SELENOS: variants seen among roughly 807,000 people sequenced by gnomAD.
SELENOS encodes selenoprotein S.
SELENOS carries 37 observed loss-of-function variants against 30.2 expected under a neutral mutation model. That is an observed-to-expected ratio of 1.23 (90% CI 0.94 to 1.61). SELENOS has a LOEUF of 1.61. Ranked by LOEUF, SELENOS falls within the 40% of genes most tolerant of loss-of-function variation. The pLI is 0.00. For missense variants in SELENOS, 289 were observed against 231.8 expected (o/e 1.25, Z -1.60); for synonymous variants, 119 against 91.6 (o/e 1.30, Z -1.71).
chr15:101,274,946 A>AC, intron 3 of SELENOS: 1 of 579,476 alleles, frequency 1.7e-6, no homozygotes, highest in Non-Finnish European at 3.0e-6. Flanking sequence ...TCCTGTCAGG[A>AC]CATTTTTGGT....
downstream of SELENOS, chr15:101,272,053 G>A (rs769665768): frequency 2.0e-5 from 3 of 152,148 alleles, no homozygotes; most frequent in African/African-American, 7.2e-5. Context: ...CCAGTAATTC[G>A]GCAACTCGAC....
At chr15:101,276,341 T>G in intron 2 of SELENOS, 200 bp downstream of exon 2, 1 of 535,118 alleles carries the variant, frequency 1.9e-6, no homozygotes. Flanking sequence ...TTTGACTCCC[T>G]GGACTCAAGT....
chr15:101,274,378 A>T, intron 5 of SELENOS, 42 bp downstream of exon 5: 1 of 1,563,742 alleles, frequency 6.4e-7, no homozygotes, highest in Non-Finnish European at 8.7e-7. Flanking sequence ...ATATCCTGTA[A>T]GTGTTGAAAA....
intron 1 of SELENOS, 31 bp from the exon 2 acceptor site, chr15:101,276,706 A>G: frequency 6.3e-7 from 1 of 1,595,042 alleles, no homozygotes; most frequent in Non-Finnish European, 8.5e-7. Context: ...CAAAAAACTA[A>G]AAATGACACT....
chr15:101,274,194 A>G (rs1596465218), intron 5 of SELENOS: 3 of 589,602 alleles, frequency 5.1e-6, no homozygotes, highest in Non-Finnish European at 9.0e-6. Context: ...CTCTCCCTCT[A>G]CGGGGCTGCA....
At chr15:101,276,814 A>G in intron 1 of SELENOS, 139 bp from the exon 2 acceptor site, 1 of 1,010,154 alleles carries the variant, frequency 9.9e-7, no homozygotes, top group Non-Finnish European at 1.4e-6. Context: ...TCCTAAGTAG[A>G]TCGTTAAAAC....
Position 101,275,341 on chromosome 15 carries a change from G to A in SELENOS, c.232C>T (p.Arg78Ter), listed in dbSNP as rs758521005. 25 of 1,577,530 alleles carry A rather than the reference G, an allele frequency of 1.6e-5. No homozygotes were observed. The highest frequency in any genetic ancestry group is 5.6e-5 in the Admixed American group (3 of 53,416). ...CGAGCAGCTGCTAAAGCTTCTTGTC[G>A]TTTAACAACAACATCAGGTTCTAAA... is the stretch of plus-strand genomic sequence containing the variant. The part of the protein sequence containing the change: ...AAVEPDVVVK[R>*]QEALAAARLK... The change falls in exon 3 of 6, where the codon CGA becomes TGA. Residue 78 changes from arginine to a stop codon, truncating the protein, a stop_gained. Coordinates refer to ENST00000526049, the MANE Select transcript of SELENOS (RefSeq NM_018445.6). LOFTEE classifies it high-confidence loss of function.
intron 1 of SELENOS, 70 bp from the exon 2 acceptor site, chr15:101,276,745 A>G (rs541572842): frequency 6.5e-7 from 1 of 1,546,264 alleles, no homozygotes; most frequent in East Asian, 2.3e-5. Context: ...AAGACTCAAC[A>G]AACACAAAGT....
intron 3 of SELENOS, chr15:101,274,884 A>C: frequency 1.6e-6 from 1 of 610,908 alleles, no homozygotes; most frequent in Non-Finnish European, 2.8e-6. Flanking sequence ...CTATTAAAGA[A>C]AGCAAAATGT....
At chr15:101,276,840 G>C (rs903173694) in intron 1 of SELENOS, 165 bp from the exon 2 acceptor site, 4 of 776,532 alleles carry the variant, frequency 5.2e-6, no homozygotes, top group Non-Finnish European at 7.9e-6. Flanking sequence ...CTCAAGAAGT[G>C]CGACAATTCA....
Position 101,274,699 on chromosome 15 carries a change from T to C in SELENOS, c.319-18A>G. 1 of 1,602,070 alleles carries C rather than the reference T, an allele frequency of 6.2e-7. No individual in the cohort carries two copies. Among genetic ancestry groups the C allele is most frequent in the South Asian group, 1.1e-5 (1 of 88,592 alleles). The stretch of plus-strand genomic sequence containing the variant: ...TCTTCAAGCTGAGAAACAATCACAT[T>C]TTACAGAAAGAATTCAGAAGCTGCC... On this transcript the variant is annotated intron_variant, in intron 3 of 5. Transcript: ENST00000526049.
At chr15:101,277,287 T>A (rs1371128227) in intron 1 of SELENOS, 55 bp downstream of exon 1, 1 of 1,514,414 alleles carries the variant, frequency 6.6e-7, no homozygotes, top group Non-Finnish European at 8.8e-7. Flanking sequence ...CCACCCATCA[T>A]GGCTGCGCGT....
In SELENOS at chr15:101,277,354, G is replaced by A; in HGVS notation, c.64C>T (p.Leu22=). The A allele has an allele frequency of 6.6e-7, 1 of 1,515,350 alleles. No homozygotes were observed. The highest frequency in any genetic ancestry group is 8.8e-7 in the Non-Finnish European group (1 of 1,139,376). 93.9% of individuals were successfully genotyped at this position (1,515,350 alleles called of 1,614,324 possible). A position where few individuals can be genotyped will look rare whatever the true frequency, so the allele number is the denominator to read the frequency against. ...CGCAACGACTCACCCGTGGTGTGCA[G>A]GAAGCGCAGCCCCTCGGTCTCCAGG... ...PALETEGLRF[L]HTTVGSLLAT... is the part of the protein sequence containing the mutation. The change falls in exon 1 of 6, where the codon CTG becomes TTG. Residue 22 remains leucine (L), a synonymous_variant. Transcript: ENST00000526049.
chr15:101,277,359 C>A lies in SELENOS; in HGVS notation c.59G>T (p.Arg20Leu). 6.6e-7 allele frequency: 1 copy of A among 1,513,846 alleles called. No homozygotes were observed. Among genetic ancestry groups the A allele is most frequent in the Non-Finnish European group, 8.8e-7 (1 of 1,138,818 alleles). The allele number at this position is 1,513,846 out of a possible 1,614,324, so 93.8% of individuals were successfully genotyped here. ...CGACTCACCCGTGGTGTGCAGGAAGCGCAGCCCCTCGGTCTCCAGGGCCGG... is the reference window on the plus strand; with the variant it reads ...CGACTCACCCGTGGTGTGCAGGAAGAGCAGCCCCTCGGTCTCCAGGGCCGG... ...ARPALETEGL[R>L]FLHTTVGSLL... Residue 20 changes from arginine (R) to leucine (L), a missense_variant, in exon 1 of 6, where the codon CGC becomes CTC. Arg to Leu is a moderately radical substitution (Grantham distance 102). Coordinates refer to ENST00000526049, the MANE Select transcript of SELENOS (RefSeq NM_018445.6).
At position 101,272,846 on chromosome 15, in the gene SELENOS, C is replaced by T. The variant is rs771332946; in HGVS notation, c.495G>A (p.Pro165=). Residue 165 remains proline (P), a synonymous_variant, in exon 6 of 6, where the codon CCG becomes CCA. Transcript: ENST00000526049. ...RKPLRGGGYN[P]LSGEGGGACS... ...AAGCTCCGCCTCCTTCACCAGACAACGGGTTATAACCTGGGAGGACAGAAA... is the reference window on the plus strand; with the variant it reads ...AAGCTCCGCCTCCTTCACCAGACAATGGGTTATAACCTGGGAGGACAGAAA... The T allele has an allele frequency of 1.4e-5, 23 of 1,606,904 alleles. No individual in the cohort carries two copies. Among genetic ancestry groups the T allele is most frequent in the South Asian group, 4.5e-5 (4 of 89,402 alleles).
chr15:101,270,991 G>T (rs547888965), downstream of SELENOS: 4 of 152,308 alleles, frequency 2.6e-5, no homozygotes, highest in African/African-American at 9.6e-5. Context: ...TTTCAAGGTA[G>T]TCAGTCACAT....
rs1213543441 is a variant in SELENOS, at chr15:101,277,450, G to T, written c.-33C>A. ...GCCGCCGCCGCCGCCCAGCCCTGCC[G>T]CCGCGCCTCCAGCCGGGCGCTTCCG... On this transcript the variant is annotated 5_prime_UTR_variant, in exon 1 of 6. Coordinates refer to ENST00000526049, the MANE Select transcript of SELENOS (RefSeq NM_018445.6). The T allele has an allele frequency of 7.0e-7, 1 of 1,422,972 alleles. No individual in the cohort carries two copies. Among genetic ancestry groups the T allele is most frequent in the African/African-American group, 1.5e-5 (1 of 66,590 alleles). The allele number at this position is 1,422,972 out of a possible 1,614,324, so 88.1% of individuals were successfully genotyped here.
At chr15:101,275,676 A>G (rs536509339) in intron 2 of SELENOS, among the ~76,000 whole-genome samples, 1 of 152,306 alleles carries the variant, frequency 6.6e-6, no homozygotes, top group Admixed American at 6.5e-5. Context: ...CACATCTTGG[A>G]TACCTCAGTG....
chr15:101,271,259 A>C (rs187914828), downstream of SELENOS: 79 of 152,350 alleles, frequency 5.2e-4, no homozygotes, highest in African/African-American at 1.8e-3. Context: ...CTCTAGATGT[A>C]AACAAATCTG....
Sources: allele counts gnomAD v4.1 joint callset (sites outside exome capture counted in the v4.1 genomes callset), GRCh38; gene constraint gnomAD v4.1.1; transcripts MANE v1.5; gene names NCBI Gene and HGNC (gene_info 2026-07-23, HGNC 2026-07-21).